Variants in CFAP54 observed in about 807,000 individuals in gnomAD.
The protein encoded by CFAP54 is cilia and flagella associated protein 54, also known as cilia- and flagella-associated protein 54.
In CFAP54, 290 loss-of-function variants were observed where a neutral mutation model predicts 370.4. The observed-to-expected ratio is 0.78, with a 90% CI of 0.71 to 0.86. CFAP54 has a LOEUF of 0.86. CFAP54 is among the 40% of genes least tolerant of loss of function. The probability of loss-of-function intolerance (pLI) is 0.00; values close to 1 mark genes in which losing one functional copy is unlikely to be tolerated. For synonymous variants in CFAP54, 1,206 were observed against 1,236.5 expected (o/e 0.98, Z 0.52); for missense variants, 3,399 against 3,528.7 (o/e 0.96, Z 0.93).
intron 67 of CFAP54, among the ~76,000 whole-genome samples, chr12:96,863,374 A>G (rs886836144): frequency 6.6e-6 from 1 of 152,154 alleles, no homozygotes; most frequent in African/African-American, 2.4e-5. Flanking sequence ...TCTTCACAAG[A>G]ATTATGACCA....
At chr12:96,661,775 C>T (rs1243193416) in intron 38 of CFAP54, among the ~76,000 whole-genome samples, 1 of 152,030 alleles carries the variant, frequency 6.6e-6, no homozygotes, top group Admixed American at 6.6e-5. Context: ...GTAGATGCTT[C>T]CCTCTCTTTC....
intron 64 of CFAP54, among the ~76,000 whole-genome samples, chr12:96,814,982 C>T (rs1958961365): frequency 6.6e-6 from 1 of 152,090 alleles, no homozygotes; most frequent in Non-Finnish European, 1.5e-5. Flanking sequence ...GATTCCAAGT[C>T]TTTGCTATTG....
intron 45 of CFAP54, among the ~76,000 whole-genome samples, chr12:96,696,927 A>G (rs1462626906): frequency 1.3e-5 from 2 of 152,228 alleles, no homozygotes; most frequent in Non-Finnish European, 2.9e-5. Flanking sequence ...CTTCCTGACA[A>G]ATCAAAGAGC....
intron 19 of CFAP54, among the ~76,000 whole-genome samples, chr12:96,570,334 T>C (rs1955903895): frequency 6.6e-6 from 1 of 150,710 alleles, no homozygotes; most frequent in Non-Finnish European, 1.5e-5. Context: ...TTTTTTTAAA[T>C]CAATGAGCCA....
At chr12:96,745,997 G>C (rs1249356053) in intron 55 of CFAP54, among the ~76,000 whole-genome samples, 2 of 152,094 alleles carry the variant, frequency 1.3e-5, no homozygotes, top group Non-Finnish European at 2.9e-5. Flanking sequence ...TCTGCTTTGC[G>C]AGCATGGTTA....
At chr12:96,868,521 C>T (rs749510491) in intron 67 of CFAP54, among the ~76,000 whole-genome samples, 6 of 146,648 alleles carry the variant, frequency 4.1e-5, no homozygotes, top group Non-Finnish European at 7.5e-5. Context: ...TTTACATTCT[C>T]GTTTTCCTTT....
intron 65 of CFAP54, among the ~76,000 whole-genome samples, chr12:96,822,897 T>TTCTG (rs1959048648): frequency 1.3e-5 from 2 of 151,736 alleles, no homozygotes; most frequent in Admixed American, 1.3e-4. Context: ...ATGTAGAGAT[T>TTCTG]TTTGTTTCTT....
At chr12:96,747,853 G>A (rs1958134917) in intron 55 of CFAP54, among the ~76,000 whole-genome samples, 1 of 152,170 alleles carries the variant, frequency 6.6e-6, no homozygotes, top group Non-Finnish European at 1.5e-5. Flanking sequence ...CAACAGTCAT[G>A]CACTAAATGG....
chr12:96,862,122 C>T (rs1373894456), intron 67 of CFAP54, among the ~76,000 whole-genome samples: 1 of 152,064 alleles, frequency 6.6e-6, no homozygotes, highest in African/African-American at 2.4e-5. Flanking sequence ...TATGTTACTA[C>T]CTAAGCTTTT....
Position 96,606,622 on chromosome 12 carries a change from A to G in CFAP54, c.3639+7855A>G, listed in dbSNP as rs576763758. Among the ~76,000 whole-genome samples the G allele has an allele frequency of 2.6e-5, 4 of 152,344 alleles. No homozygotes were observed. The East Asian group carries it at 7.7e-4, about 29-fold the overall frequency. ...TGAATAGACAGCAGCTTAATCACAC[A>G]TCCCCGACTTTTCTCTTTTTCAATT... On this transcript the variant is annotated intron_variant, in intron 26 of 67. Transcript: ENST00000524981.
At chr12:96,522,524 G>A (rs1387666824) in intron 8 of CFAP54, among the ~76,000 whole-genome samples, 1 of 152,176 alleles carries the variant, frequency 6.6e-6, no homozygotes, top group Non-Finnish European at 1.5e-5. Flanking sequence ...ACCACTTAGG[G>A]TTAGCTGAGC....
chr12:96,567,241 G>A (rs1244752155), intron 19 of CFAP54, among the ~76,000 whole-genome samples: 3 of 152,226 alleles, frequency 2.0e-5, no homozygotes, highest in African/African-American at 7.2e-5. Context: ...TGAGACAGAA[G>A]CTTAGATGCA....
chr12:96,828,938 A>G, intron 65 of CFAP54, 76 bp from the exon 66 acceptor site: 1 of 709,536 alleles, frequency 1.4e-6, no homozygotes, highest in Non-Finnish European at 2.3e-6. Flanking sequence ...CAAATGAAAT[A>G]GTTTATAATT....
intron 26 of CFAP54, among the ~76,000 whole-genome samples, chr12:96,611,809 A>G (rs916231939): frequency 1.3e-5 from 2 of 152,248 alleles, no homozygotes; most frequent in African/African-American, 2.4e-5. Context: ...TGAAGATCAA[A>G]TGAATGAAAT....
intron 28 of CFAP54, among the ~76,000 whole-genome samples, chr12:96,624,974 C>A (rs1016081043): frequency 3.3e-5 from 5 of 152,064 alleles, no homozygotes; most frequent in African/African-American, 9.7e-5. Flanking sequence ...TATTTATTTT[C>A]ATAATATCAG....
rs1214357863 is a variant in CFAP54, at chr12:96,744,041, A to G, written c.7579A>G (p.Ile2527Val). ...TEQMLAFGET[I>V]EFRSSNTKYA... ...ATAGATGCTAGCTTTTGGAGAAACA[A>G]TTGAATTTCGTTCATCAAACACTAA... Residue 2527 changes from isoleucine to valine, a missense_variant, in exon 55 of 68, where the codon ATT (isoleucine) becomes GTT (valine). Ile to Val is a conservative substitution (Grantham distance 29). Around this residue, in one of 3 missense-constraint regions of CFAP54, gnomAD observed 2,796 missense variants for 2,869.7 expected, o/e 0.97. Transcript: ENST00000524981. The G allele has an allele frequency of 6.2e-6, 10 of 1,610,734 alleles. No individual in the cohort carries two copies. The highest frequency in any genetic ancestry group is 2.7e-5 in the African/African-American group (2 of 74,752).
intron 66 of CFAP54, among the ~76,000 whole-genome samples, chr12:96,844,273 A>G (rs1360478629): frequency 2.0e-5 from 3 of 151,924 alleles, no homozygotes; most frequent in East Asian, 3.9e-4. Context: ...AAGTATCCTT[A>G]TGAGAGGGAG....
chr12:96,616,573 A>G (rs540644339), intron 26 of CFAP54, among the ~76,000 whole-genome samples: 22 of 152,212 alleles, frequency 1.4e-4, no homozygotes, highest in Non-Finnish European at 2.5e-4. Context: ...TTTTTATGAC[A>G]AGACACTGTA....
intron 1 of CFAP54, among the ~76,000 whole-genome samples, chr12:96,497,683 T>C (rs1954971709): frequency 6.6e-6 from 1 of 152,184 alleles, no homozygotes; most frequent in Non-Finnish European, 1.5e-5. Flanking sequence ...GATGTCCCAG[T>C]ACCCATAACA....
Sources: gnomAD v4.1 joint callset for allele counts (sites outside exome capture counted in the v4.1 genomes callset) on GRCh38, gnomAD v4.1.1 for gene constraint, gnomAD v4.1.1 regional missense constraint, MANE v1.5 for transcripts, NCBI Gene and HGNC (gene_info 2026-07-23, HGNC 2026-07-21) for gene names.